Variants in SATL1 observed in about 807,000 individuals in gnomAD.
The protein encoded by SATL1 is spermidine/spermine N(1)-acetyltransferase-like protein 1.
A neutral mutation model predicts 51.8 loss-of-function variants in SATL1; 47 were observed. The ratio of observed to expected loss-of-function variants is 0.91; its 90% CI spans 0.72 to 1.16. SATL1 has a LOEUF of 1.16. Ranked by LOEUF, SATL1 falls within the 50% of genes most tolerant of loss-of-function variation. The pLI is 0.00. For synonymous variants in SATL1, 176 were observed against 182.4 expected, an observed-to-expected ratio of 0.97 and a Z score of 0.28; for missense variants, 520 against 526.4, an observed-to-expected ratio of 0.99 and a Z score of 0.12.
intron 2 of SATL1, among the ~76,000 whole-genome samples, chrX:85,110,878 T>A (rs745574719): frequency 4.3e-4 from 48 of 112,782 alleles, no homozygotes; most frequent in African/African-American, 1.5e-3. Flanking sequence ...CAGGCATGGT[T>A]CTAAGGAACA....
chrX:85,115,273 C>CA (rs1423040351), intron 2 of SATL1, among the ~76,000 whole-genome samples: 2 of 112,158 alleles, frequency 1.8e-5, no homozygotes, highest in African/African-American at 6.5e-5. Context: ...AGGGCTAACT[C>CA]AAAAAAAGCA....
At chrX:85,159,226 A>G (rs1359324277) in intron 2 of SATL1, among the ~76,000 whole-genome samples, 2 of 111,848 alleles carry the variant, frequency 1.8e-5, no homozygotes, top group Non-Finnish European at 3.8e-5. Flanking sequence ...GCATGGTTAA[A>G]TCACTATGTC....
intron 2 of SATL1, among the ~76,000 whole-genome samples, chrX:85,134,376 G>A (rs1314283055): frequency 1.8e-5 from 2 of 111,577 alleles, no homozygotes; most frequent in Non-Finnish European, 3.8e-5. Flanking sequence ...TGAAGGTAGA[G>A]GTGAAGCTCT....
Position 85,108,509 on chromosome X carries a change from T to G in SATL1, c.460A>C (p.Arg154=), listed in dbSNP as rs756549099. 2.5e-6 allele frequency: 3 copies of G among 1,211,943 alleles called. No homozygotes were observed. The highest frequency in any genetic ancestry group is 1.1e-6 in the Non-Finnish European group (1 of 895,527). The change falls in exon 3 of 8, where the codon AGA becomes CGA. Residue 154 remains arginine (R), a synonymous_variant. Coordinates refer to ENST00000644105, the MANE Select transcript of SATL1 (RefSeq NM_001367857.2). The part of the protein sequence containing the change: ...SQSGGSQPSM[R]QVGTSQLGTS... ...CCTAATTGGCTGGTGCCTACTTGTC[T>G]CATGCTTGGTTGGCTCCCACCTGAC...
chrX:85,178,647 C>A (rs866816519), intron 2 of SATL1, among the ~76,000 whole-genome samples: 45 of 101,388 alleles, frequency 4.4e-4, no homozygotes, highest in East Asian at 4.4e-3. Context: ...AACAAACAAA[C>A]AAAAAAAAAC....
chrX:85,132,477 C>T lies in SATL1; in HGVS notation c.-312-23197G>A, dbSNP rs1334482673. On this transcript the variant is annotated intron_variant, in intron 2 of 7. Transcript: ENST00000644105. ...GCTTGTGCATGTGTCACATATTTCT[C>T]ATGCTGTGATTTTCAGCTCCATCAG... 2.1e-4 allele frequency among the ~76,000 whole-genome samples: 23 copies of T among 111,698 alleles called. 1 individual carries two copies. The highest frequency in any genetic ancestry group is 2.0e-3 in the Admixed American group (21 of 10,497).
At chrX:85,156,357 G>A (rs1454781031) in intron 2 of SATL1, 1 of 111,455 alleles carries the variant, frequency 9.0e-6, no homozygotes. Flanking sequence ...AACCTTAGCA[G>A]AATTCTGCAT....
chrX:85,228,583 C>G (rs760312604), intron 1 of SATL1, among the ~76,000 whole-genome samples: 11 of 111,184 alleles, frequency 9.9e-5, no homozygotes, highest in Non-Finnish European at 1.9e-4. Context: ...ACCTACCACT[C>G]CACTGAAATT....
intron 2 of SATL1, chrX:85,212,719 G>A (rs1274652897): frequency 1.8e-5 from 2 of 110,544 alleles, no homozygotes; most frequent in African/African-American, 6.6e-5. Context: ...CAGTCTTTAC[G>A]TCTACCCATC....
Position 85,243,376 on chromosome X carries a change from T to A in SATL1, c.-435+212A>T, listed in dbSNP as rs1438733213. 7.1e-5 allele frequency among the ~76,000 whole-genome samples: 8 copies of A among 112,464 alleles called. No individual in the cohort carries two copies. In the Admixed American group the frequency reaches 7.5e-4, roughly 11 times the overall value. ...AATGAATTTCTCACTGTCCTCCCAC[T>A]TTTTGCAGACAGAAGCTGAAAGTGA... On this transcript the variant is annotated intron_variant, in intron 1 of 7. Transcript: ENST00000644105.
At chrX:85,223,176 T>C (rs1928207816) in intron 2 of SATL1, among the ~76,000 whole-genome samples, 1 of 111,835 alleles carries the variant, frequency 8.9e-6, no homozygotes. Context: ...CCTAGTAGTA[T>C]GTGTCCAAAG....
chrX:85,235,133 C>G (rs1928454320), intron 1 of SATL1, among the ~76,000 whole-genome samples: 1 of 111,124 alleles, frequency 9.0e-6, no homozygotes, highest in African/African-American at 3.3e-5. Flanking sequence ...AAGAACGTTT[C>G]TTAATGATAA....
In SATL1 at chrX:85,176,080, G is replaced by T. The variant is rs1927076129; in HGVS notation, c.-313+48125C>A. On this transcript the variant is annotated intron_variant, in intron 2 of 7. Transcript: ENST00000644105. ...ATATCTTCAAAATCTTGAAGTAAAG[G>T]ATCAACAACTTATTTTTTAAAATGG... Among the ~76,000 whole-genome samples, 5 of 111,485 alleles carry T rather than the reference G, an allele frequency of 4.5e-5. No homozygotes were observed. In the South Asian group the frequency reaches 1.9e-3, roughly 42 times the overall value.
intron 4 of SATL1, among the ~76,000 whole-genome samples, chrX:85,097,009 A>G (rs1924744876): frequency 8.9e-6 from 1 of 112,093 alleles, no homozygotes; most frequent in Non-Finnish European, 1.9e-5. Flanking sequence ...GTAAAGACAG[A>G]TACATGAGCA....
chrX:85,132,813 T>C (rs750287829), intron 2 of SATL1, among the ~76,000 whole-genome samples: 39 of 112,168 alleles, frequency 3.5e-4, no homozygotes, highest in African/African-American at 1.2e-3. Context: ...GCTTTGATGA[T>C]GGTGACCTAC....
At chrX:85,193,080 G>T (rs1016004252) in intron 2 of SATL1, among the ~76,000 whole-genome samples, 6 of 111,561 alleles carry the variant, frequency 5.4e-5, no homozygotes, top group Non-Finnish European at 1.1e-4. Flanking sequence ...GTACTTTTAC[G>T]ATATGCAAAT....
intron 2 of SATL1, among the ~76,000 whole-genome samples, chrX:85,185,329 G>A (rs887290506): frequency 4.4e-5 from 5 of 112,443 alleles, no homozygotes. Context: ...CCACCACCTG[G>A]CAAGTGCGTA....
At chrX:85,171,672 G>A in intron 2 of SATL1, among the ~76,000 whole-genome samples, 1 of 111,184 alleles carries the variant, frequency 9.0e-6, no homozygotes, top group East Asian at 2.8e-4. Context: ...CTAAAAAATG[G>A]GGACAAAACT....
At chrX:85,115,902 G>T (rs138167775) in intron 2 of SATL1, among the ~76,000 whole-genome samples, 889 of 78,907 alleles carry the variant, frequency 0.011, 12 homozygotes, top group African/African-American at 0.045. Flanking sequence ...CACCACCCCT[G>T]AAAGCCACAC....
Sources: allele counts gnomAD v4.1 joint callset (sites outside exome capture counted in the v4.1 genomes callset), GRCh38; gene constraint gnomAD v4.1.1; transcripts MANE v1.5; gene names NCBI Gene and HGNC (gene_info 2026-07-23, HGNC 2026-07-21).